Variants in PTPRM observed in about 807,000 individuals in gnomAD.
The protein encoded by PTPRM is receptor-type tyrosine-protein phosphatase mu.
PTPRM carries 47 observed loss-of-function variants against 186.7 expected under a neutral mutation model. That is an observed-to-expected ratio of 0.25 (90% CI 0.20 to 0.32). The LOEUF (loss-of-function observed/expected upper bound fraction) is 0.32. PTPRM is among the 10% of genes least tolerant of loss of function. PTPRM has a pLI of 1.00. For synonymous variants in PTPRM, 668 were observed against 674.9 expected (o/e 0.99, Z 0.16); for missense variants, 1,494 against 1,865.0 (o/e 0.80, Z 3.66).
chr18:7,709,915 T>G (rs950647440), intron 1 of PTPRM, among the ~76,000 whole-genome samples: 2 of 151,946 alleles, frequency 1.3e-5, no homozygotes, highest in African/African-American at 4.8e-5. Flanking sequence ...AATAAAAAAA[T>G]TACCAAGAAA....
intron 14 of PTPRM, among the ~76,000 whole-genome samples, chr18:8,186,101 G>A (rs1280485563): frequency 2.0e-5 from 3 of 152,058 alleles, no homozygotes; most frequent in Admixed American, 2.0e-4. Context: ...GCTGAGGCAG[G>A]CAGATCACGA....
chr18:8,181,762 A>G (rs907101823), intron 14 of PTPRM, among the ~76,000 whole-genome samples: 6 of 152,282 alleles, frequency 3.9e-5, no homozygotes, highest in Admixed American at 2.0e-4. Context: ...CCCCAGCTTA[A>G]CAGTTCAGAA....
intron 2 of PTPRM, among the ~76,000 whole-genome samples, chr18:7,821,304 G>A (rs2045179829): frequency 6.6e-6 from 1 of 152,188 alleles, no homozygotes; most frequent in Non-Finnish European, 1.5e-5. Flanking sequence ...TGCAGGGACA[G>A]TTGCTTTTCA....
At chr18:7,960,472 TATATATATACACACACAC>T (rs1228906200) in intron 7 of PTPRM, among the ~76,000 whole-genome samples, 1 of 108,642 alleles carries the variant, frequency 9.2e-6, no homozygotes, top group African/African-American at 4.1e-5. Context: ...TATATATATA[TATATATATACACACACAC>T]ACACACACAC....
chr18:8,192,392 G>A (rs1010526949), intron 14 of PTPRM, among the ~76,000 whole-genome samples: 1 of 152,108 alleles, frequency 6.6e-6, no homozygotes, highest in Non-Finnish European at 1.5e-5. Flanking sequence ...ATCTTGGTCA[G>A]GGATAAACCA....
At chr18:8,054,322 T>TATATA (rs1555710867) in intron 7 of PTPRM, among the ~76,000 whole-genome samples, 7 of 135,134 alleles carry the variant, frequency 5.2e-5, no homozygotes, top group Non-Finnish European at 7.8e-5. Flanking sequence ...TATATATATA[T>TATATA]TACTACTACT....
chr18:7,835,188 CTTTTT>C (rs58193493), intron 2 of PTPRM, among the ~76,000 whole-genome samples: 1 of 127,636 alleles, frequency 7.8e-6, no homozygotes, highest in Non-Finnish European at 1.7e-5. Context: ...TGACATTTTT[CTTTTT>C]TTTTTTTTTT....
At chr18:7,901,815 A>C (rs963055652) in intron 3 of PTPRM, among the ~76,000 whole-genome samples, 1 of 152,076 alleles carries the variant, frequency 6.6e-6, no homozygotes, top group Non-Finnish European at 1.5e-5. Context: ...ACAATAGGAA[A>C]CTCTCCAGTA....
Position 8,062,303 on chromosome 18 carries a change from C to T in PTPRM, c.1133-7383C>T, listed in dbSNP as rs2088597050. Among the ~76,000 whole-genome samples the T allele has an allele frequency of 3.1e-5, 2 of 64,222 alleles. 1 individual carries two copies. The highest frequency in any genetic ancestry group is 6.3e-5 in the Non-Finnish European group (2 of 31,832). The allele number at this position is 64,222 out of a possible 152,430, so 42.1% of individuals were successfully genotyped here. A position where few individuals can be genotyped will look rare whatever the true frequency, so the allele number is the denominator to read the frequency against. ...GTAGTTCTCGAGCCTTGGTTTTCAG[C>T]TCCATCAGCTCCTTTAAGGACTTCT... On this transcript the variant is annotated intron_variant, in intron 7 of 32. Coordinates refer to ENST00000580170, the MANE Select transcript of PTPRM (RefSeq NM_001105244.2).
chr18:7,623,937 A>T (rs968516867), intron 1 of PTPRM, among the ~76,000 whole-genome samples: 2 of 152,132 alleles, frequency 1.3e-5, no homozygotes, highest in African/African-American at 4.8e-5. Flanking sequence ...GCACACTTGG[A>T]GTGAACTGTG....
At chr18:7,976,617 A>C (rs192321580) in intron 7 of PTPRM, among the ~76,000 whole-genome samples, 1 of 152,208 alleles carries the variant, frequency 6.6e-6, no homozygotes, top group Admixed American at 6.5e-5. Flanking sequence ...TATTTATGAA[A>C]AAAAAAGAGC....
intron 2 of PTPRM, among the ~76,000 whole-genome samples, chr18:7,886,740 G>T (rs2048806526): frequency 6.6e-6 from 1 of 152,094 alleles, no homozygotes; most frequent in Admixed American, 6.6e-5. Flanking sequence ...ATCATAAATG[G>T]TGTTAAACCT....
intron 4 of PTPRM, among the ~76,000 whole-genome samples, chr18:7,917,492 C>T (rs554186749): frequency 3.3e-5 from 5 of 152,164 alleles, no homozygotes; most frequent in East Asian, 3.9e-4. Flanking sequence ...GCCCAGCTCG[C>T]GCCACTGTAC....
In PTPRM at chr18:8,252,286, G is replaced by C. The variant is rs150806096; in HGVS notation, c.2555-202G>C. On this transcript the variant is annotated intron_variant, in intron 17 of 32. Coordinates refer to ENST00000580170, the MANE Select transcript of PTPRM (RefSeq NM_001105244.2). ...CTAATTTTAACCTCCTTTTTGTTAT[G>C]GAGTACTTAAATTCAATGCCTCCAT... Among the ~76,000 whole-genome samples the C allele has an allele frequency of 3.8e-3, 584 of 152,308 alleles. 1 individual carries two copies. The highest frequency in any genetic ancestry group is 0.013 in the African/African-American group (552 of 41,588).
intron 31 of PTPRM, among the ~76,000 whole-genome samples, chr18:8,393,367 G>A (rs2095827232): frequency 6.6e-6 from 1 of 152,188 alleles, no homozygotes; most frequent in Non-Finnish European, 1.5e-5. Flanking sequence ...TTGCGGCTGG[G>A]GACGACAGCT....
At chr18:7,598,782 CTTT>C (rs34474506) in intron 1 of PTPRM, among the ~76,000 whole-genome samples, 3,070 of 127,804 alleles carry the variant, frequency 0.024, 125 homozygotes, top group African/African-American at 0.079. Context: ...TTCTGAATTC[CTTT>C]TTTTTTTTTT....
intron 14 of PTPRM, among the ~76,000 whole-genome samples, chr18:8,240,651 G>GAAAGAAAGAA (rs1208165737): frequency 2.1e-4 from 7 of 33,834 alleles, no homozygotes; most frequent in African/African-American, 3.6e-4. Context: ...GAGAGAGAGA[G>GAAAGAAAGAA]AGAAAGAAAG....
intron 11 of PTPRM, among the ~76,000 whole-genome samples, chr18:8,097,221 C>T (rs903189521): frequency 5.3e-5 from 8 of 152,234 alleles, no homozygotes; most frequent in African/African-American, 1.9e-4. Context: ...GTGAGGCTTA[C>T]CTGTATTTCA....
intron 7 of PTPRM, among the ~76,000 whole-genome samples, chr18:7,986,700 C>A (rs1472697055): frequency 6.9e-6 from 1 of 144,964 alleles, no homozygotes; most frequent in Non-Finnish European, 1.5e-5. Context: ...TGGAAAATAT[C>A]TTTATAGACA....
Sources: gnomAD v4.1 joint callset for allele counts (sites outside exome capture counted in the v4.1 genomes callset) on GRCh38, gnomAD v4.1.1 for gene constraint, MANE v1.5 for transcripts, NCBI Gene and HGNC (gene_info 2026-07-23, HGNC 2026-07-21) for gene names.